EGF: variants seen among roughly 807,000 people sequenced by gnomAD.
EGF encodes the protein pro-epidermal growth factor.
In EGF, 95 loss-of-function variants were observed where a neutral mutation model predicts 143.8. That is an observed-to-expected ratio of 0.66 (90% CI 0.56 to 0.78). EGF has a LOEUF of 0.78. Ranked by LOEUF, EGF falls within the 30% of genes least tolerant of loss-of-function variation. EGF has a pLI of 0.00. For missense variants in EGF, 1,320 were observed against 1,470.9 expected (o/e 0.90, Z 1.68); for synonymous variants, 510 against 510.5 (o/e 1.00, Z 0.01).
chr4:109,959,267 T>C (rs546599803), intron 5 of EGF, 45 bp from the exon 6 acceptor site: 4 of 1,612,856 alleles, frequency 2.5e-6, no homozygotes, highest in Admixed American at 3.3e-5. Context: ...CAGTGTCCTC[T>C]GTCAAAACAC....
intron 16 of EGF, among the ~76,000 whole-genome samples, 164 bp downstream of exon 16, chr4:109,983,705 G>T (rs1189695478): frequency 6.6e-6 from 1 of 152,200 alleles, no homozygotes; most frequent in Non-Finnish European, 1.5e-5. Context: ...TGATGTGCCT[G>T]AGAAAGATGG....
intron 11 of EGF, among the ~76,000 whole-genome samples, chr4:109,971,771 C>T (rs911789645): frequency 1.3e-5 from 2 of 152,098 alleles, no homozygotes; most frequent in African/African-American, 4.8e-5. Flanking sequence ...ACTGAGATTC[C>T]AATCTCATAA....
chr4:110,005,646 T>C (rs905992206), intron 22 of EGF, among the ~76,000 whole-genome samples: 2 of 152,226 alleles, frequency 1.3e-5, no homozygotes, highest in Non-Finnish European at 2.9e-5. Flanking sequence ...CTTGGAACAC[T>C]AGAGGGCAGT....
intron 21 of EGF, chr4:110,004,215 T>TACACACACACACACACACACACAC: frequency 5.6e-6 from 2 of 356,976 alleles, no homozygotes; most frequent in East Asian, 1.3e-4. Flanking sequence ...TGGGCATACA[T>TACACACACACACACACACACACAC]ACACACACAC....
At chr4:109,993,031 G>T (rs528440841) in intron 18 of EGF, among the ~76,000 whole-genome samples, 1 of 151,706 alleles carries the variant, frequency 6.6e-6, no homozygotes, top group Non-Finnish European at 1.5e-5. Context: ...CACCAACATG[G>T]CACATGTATA....
chr4:109,987,180 G>C (rs1040236717), intron 16 of EGF, among the ~76,000 whole-genome samples: 4 of 152,148 alleles, frequency 2.6e-5, no homozygotes, highest in African/African-American at 9.7e-5. Flanking sequence ...ATTTGCAAAT[G>C]CTTTTAAAAA....
chr4:109,969,003 A>G lies in EGF; in HGVS notation c.1608A>G (p.Ile536Met). Residue 536 changes from isoleucine to methionine, a missense_variant, in exon 11 of 24, where the codon ATA (isoleucine) becomes ATG (methionine). Ile to Met is a conservative substitution (Grantham distance 10). Coordinates refer to ENST00000265171, the MANE Select transcript of EGF (RefSeq NM_001963.6). The stretch of plus-strand genomic sequence containing the variant: ...TTGCCCATACAGCCCTGAAGTGGAT[A>G]GAGAGAGCTAATATGGATGGTTCCC... ...IYFAHTALKW[I>M]ERANMDGSQR... 1 of 1,614,186 alleles carries G rather than the reference A, an allele frequency of 6.2e-7. No homozygotes were observed. Among genetic ancestry groups the G allele is most frequent in the Non-Finnish European group, 8.5e-7 (1 of 1,180,016 alleles).
chr4:109,973,264 C>T (rs1309603889), intron 11 of EGF, among the ~76,000 whole-genome samples: 1 of 152,128 alleles, frequency 6.6e-6, no homozygotes, highest in African/African-American at 2.4e-5. Flanking sequence ...TCATCTCCTG[C>T]CTGCCTCGCC....
chr4:109,951,162 A>T (rs1186410957), intron 5 of EGF, among the ~76,000 whole-genome samples: 1 of 141,848 alleles, frequency 7.0e-6, no homozygotes, highest in Admixed American at 7.0e-5. Context: ...AAAATAAAAT[A>T]AAATAAAATA....
In EGF at chr4:109,974,741, G is replaced by T. The variant is rs554205393; in HGVS notation, c.1763G>T (p.Arg588Leu). 1.2e-6 allele frequency: 2 copies of T among 1,613,460 alleles called. No individual in the cohort carries two copies. The highest frequency in any genetic ancestry group is 1.7e-6 in the Non-Finnish European group (2 of 1,179,564). The change falls in exon 12 of 24, where the codon CGT becomes CTT. Residue 588 changes from arginine (R) to leucine (L), a missense_variant. Arg to Leu is a moderately radical substitution (Grantham distance 102). This residue lies in a region of EGF where 1,186 missense variants were observed against 1,313.7 expected (regional missense o/e 0.90). Coordinates refer to ENST00000265171, the MANE Select transcript of EGF (RefSeq NM_001963.6). ...GGAAGGAGTGATTTAAATGGGAAAC[G>T]TTCCAAAATAATCACTAAGGAGAAC... ...LIGRSDLNGK[R>L]SKIITKENIS...
At chr4:109,914,392 C>G (rs533519421) in intron 1 of EGF, among the ~76,000 whole-genome samples, 1 of 152,186 alleles carries the variant, frequency 6.6e-6, no homozygotes, top group African/African-American at 2.4e-5. Flanking sequence ...AGAAGAGACA[C>G]CTATGGAAGA....
At chr4:109,980,644 T>G in intron 14 of EGF, 182 bp from the exon 15 acceptor site, 1 of 703,234 alleles carries the variant, frequency 1.4e-6, no homozygotes, top group South Asian at 1.7e-5. Context: ...TGGGCTTATC[T>G]TAGAATCAGT....
intron 1 of EGF, among the ~76,000 whole-genome samples, chr4:109,937,898 CTTCCCTTTGTGGG>C (rs1305749945): frequency 2.2e-4 from 33 of 152,210 alleles, no homozygotes; most frequent in Non-Finnish European, 4.7e-4. Flanking sequence ...GTCTGATGGG[CTTCCCTTTGTGGG>C]TAACTCGACC....
intron 22 of EGF, among the ~76,000 whole-genome samples, chr4:110,006,005 CTTATTTAT>C: frequency 6.6e-6 from 1 of 151,788 alleles, no homozygotes; most frequent in Non-Finnish European, 1.5e-5. Context: ...TCAGTGTTTC[CTTATTTAT>C]TTATTTATTT....
At chr4:109,936,796 T>C (rs747536135) in intron 1 of EGF, among the ~76,000 whole-genome samples, 11 of 152,256 alleles carry the variant, frequency 7.2e-5, no homozygotes, top group Non-Finnish European at 1.2e-4. Context: ...TTTCGTTATT[T>C]ACCCAGTAGT....
chr4:109,962,291 C>T (rs202004207), intron 8 of EGF, among the ~76,000 whole-genome samples: 9 of 152,154 alleles, frequency 5.9e-5, no homozygotes, highest in Non-Finnish European at 1.2e-4. Flanking sequence ...CTCTCTTGGT[C>T]TTTGTTTCTT....
chr4:109,920,227 C>T lies in EGF; in HGVS notation c.127+6765C>T, dbSNP rs538035812. Among the ~76,000 whole-genome samples the T allele has an allele frequency of 4.0e-5, 6 of 151,748 alleles. No homozygotes were observed. In the East Asian group the frequency reaches 7.7e-4, roughly 20 times the overall value. Reference sequence around the variant, plus strand: ...CACTTTGATTACAATAGAGGAAACTCGGAGAACCTAGCAACTTTCCAATGT... The same window carrying T: ...CACTTTGATTACAATAGAGGAAACTTGGAGAACCTAGCAACTTTCCAATGT... On this transcript the variant is annotated intron_variant, in intron 1 of 23. Transcript: ENST00000265171.
chr4:109,944,877 A>C (rs1160116584), intron 4 of EGF, among the ~76,000 whole-genome samples, 196 bp from the exon 5 acceptor site: 1 of 152,226 alleles, frequency 6.6e-6, no homozygotes, highest in East Asian at 1.9e-4. Context: ...TGGAGCTAGA[A>C]ATTATATCTT....
At chr4:109,918,132 T>C (rs905153914) in intron 1 of EGF, among the ~76,000 whole-genome samples, 2 of 152,178 alleles carry the variant, frequency 1.3e-5, no homozygotes, top group Admixed American at 6.5e-5. Flanking sequence ...CCATCTTACA[T>C]AGCCTCTATG....
Sources: gnomAD v4.1 joint callset for allele counts (sites outside exome capture counted in the v4.1 genomes callset) on GRCh38, gnomAD v4.1.1 for gene constraint, gnomAD v4.1.1 regional missense constraint, MANE v1.5 for transcripts, NCBI Gene and HGNC (gene_info 2026-07-23, HGNC 2026-07-21) for gene names.